The following SYNC variants were observed in gnomAD, a reference collection of about 807,000 sequenced individuals.
The protein encoded by SYNC is syncoilin.
In SYNC, 38 loss-of-function variants were observed where a neutral mutation model predicts 49.5. The ratio of observed to expected loss-of-function variants is 0.77; its 90% CI spans 0.59 to 1.01. SYNC has a LOEUF of 1.01. Ranked by LOEUF, SYNC falls within the 50% of genes least tolerant of loss-of-function variation. The probability of loss-of-function intolerance (pLI) is 0.00; values close to 1 mark genes in which losing one functional copy is unlikely to be tolerated. For missense variants in SYNC, 579 were observed against 580.6 expected (o/e 1.00, Z 0.03); for synonymous variants, 201 against 230.8 (o/e 0.87, Z 1.17).
In SYNC at chr1:32,702,340, G is replaced by A. The variant is rs1650699393; in HGVS notation, c.53+268C>T. 6.6e-6 allele frequency among the ~76,000 whole-genome samples: 1 copy of A among 152,212 alleles called. No homozygotes were observed. On this transcript the variant is annotated intron_variant, in intron 1 of 4. Coordinates refer to ENST00000409190, the MANE Select transcript of SYNC (RefSeq NM_030786.3). The surrounding 1 kb of genome is among the most constrained non-coding windows in gnomAD (Gnocchi z 6.2). ...ATGGGCCAAATGGCACTTGAGCGGT[G>A]GATGCCCACTCGCCTGGAAGGGTTA...
At chr1:32,693,085 G>GGTTT (rs796868946) in intron 2 of SYNC, among the ~76,000 whole-genome samples, 2 of 138,270 alleles carry the variant, frequency 1.4e-5, no homozygotes, top group Non-Finnish European at 1.6e-5. Context: ...TTGTTTGTTT[G>GGTTT]TTTTTGTTTG....
Position 32,695,677 on chromosome 1 carries a change from C to G in SYNC, c.421G>C (p.Glu141Gln), listed in dbSNP as rs778944457. Reference protein sequence around the residue: ...TSPEHVVYEGETVTRAEKSNP... With the variant: ...TSPEHVVYEGQTVTRAEKSNP... Reference sequence around the variant, plus strand: ...GATTTCTCCGCCCTTGTGACTGTCTCTCCCTCATAAACAACGTGCTCTGGG... The same window carrying G: ...GATTTCTCCGCCCTTGTGACTGTCTGTCCCTCATAAACAACGTGCTCTGGG... The change falls in exon 2 of 5, where the codon GAG (glutamate) becomes CAG (glutamine). Residue 141 changes from glutamate (E) to glutamine (Q), a missense_variant. By Grantham distance (29) the Glu-to-Gln change is conservative. Transcript: ENST00000409190. The G allele has an allele frequency of 6.2e-5, 96 of 1,551,486 alleles. No homozygotes were observed. The highest frequency in any genetic ancestry group is 1.7e-4 in the Middle Eastern group (1 of 6,016).
intron 2 of SYNC, among the ~76,000 whole-genome samples, chr1:32,687,794 T>C (rs1649936756): frequency 6.7e-6 from 1 of 150,308 alleles, no homozygotes; most frequent in Non-Finnish European, 1.5e-5. Context: ...TATGAGCTGT[T>C]CCCTCTGTCT....
chr1:32,684,161 CTTTTTG>C (rs1313862686), intron 3 of SYNC, 72 bp from the exon 4 acceptor site: 7 of 1,605,996 alleles, frequency 4.4e-6, no homozygotes, highest in African/African-American at 4.0e-5. Context: ...CCCAAATCCT[CTTTTTG>C]TTTTTGATTC....
At chr1:32,696,154 G>GACGAATGGCTGCTGA in intron 1 of SYNC, 110 bp from the exon 2 acceptor site, 1 of 853,604 alleles carries the variant, frequency 1.2e-6, no homozygotes, top group Non-Finnish European at 1.8e-6. Flanking sequence ...GATGTCAGCA[G>GACGAATGGCTGCTGA]CCATTCGTCT....
At chr1:32,702,872 G>A (rs1650725851), upstream of SYNC, 1 of 197,554 alleles carries the variant, frequency 5.1e-6, no homozygotes, top group Non-Finnish European at 9.6e-6. The surrounding 1 kb of genome is among the most constrained non-coding windows in gnomAD (Gnocchi z 6.2). Flanking sequence ...GCCCCTCCCG[G>A]ACCAGCCTGG....
rs1363739283 is a variant in SYNC at position 32,681,555 on chromosome 1, T to C, written c.*295A>G. Reference sequence around the variant, plus strand: ...ACATTCATCCTTCACTCAGTGCATATGTGAGGGTTGTTGCTGGAAGACAGG... The same window carrying C: ...ACATTCATCCTTCACTCAGTGCATACGTGAGGGTTGTTGCTGGAAGACAGG... On this transcript the variant is annotated 3_prime_UTR_variant, in exon 5 of 5. Transcript: ENST00000409190. The C allele has an allele frequency of 9.3e-6, 5 of 537,686 alleles. No homozygotes were observed. The highest frequency in any genetic ancestry group is 1.7e-5 in the Non-Finnish European group (5 of 301,034). 33.3% of individuals were successfully genotyped at this position (537,686 alleles called of 1,614,324 possible). A position where few individuals can be genotyped will look rare whatever the true frequency, so the allele number is the denominator to read the frequency against.
At chr1:32,696,183 A>G (rs573133582) in intron 1 of SYNC, 139 bp from the exon 2 acceptor site, 57 of 671,192 alleles carry the variant, frequency 8.5e-5, no homozygotes, top group African/African-American at 4.2e-4. Flanking sequence ...CACTCTGTCA[A>G]TCCACCCCTC....
intron 1 of SYNC, among the ~76,000 whole-genome samples, chr1:32,696,402 TC>T (rs1043703926): frequency 1.3e-5 from 2 of 151,646 alleles, no homozygotes; most frequent in African/African-American, 4.8e-5. Context: ...GCAACCTCTG[TC>T]CCCCAGTTCA....
chr1:32,683,577 G>T (rs1401188715), intron 4 of SYNC: 1 of 154,300 alleles, frequency 6.5e-6, no homozygotes, highest in East Asian at 1.9e-4. Context: ...GCGTTTTGGA[G>T]GTTTGGGTTA....
chr1:32,696,108 C>T (rs1650417059), intron 1 of SYNC, 64 bp from the exon 2 acceptor site: 2 of 1,386,310 alleles, frequency 1.4e-6, no homozygotes, highest in East Asian at 2.5e-5. Flanking sequence ...AATTCTGGAG[C>T]CAGCAGCCAT....
At chr1:32,697,438 CAA>C (rs113573501) in intron 1 of SYNC, among the ~76,000 whole-genome samples, 9 of 113,888 alleles carry the variant, frequency 7.9e-5, no homozygotes, top group Admixed American at 9.4e-5. Context: ...AACTCCGTCT[CAA>C]AAAAAAAAAA....
chr1:32,700,896 T>C (rs887790079), intron 1 of SYNC, among the ~76,000 whole-genome samples: 4 of 151,604 alleles, frequency 2.6e-5, no homozygotes, highest in Non-Finnish European at 5.9e-5. Context: ...ATAAAAAGCC[T>C]GGCATGCAGC....
At chr1:32,688,375 T>C (rs1303150126) in intron 2 of SYNC, among the ~76,000 whole-genome samples, 1 of 152,214 alleles carries the variant, frequency 6.6e-6, no homozygotes, top group Non-Finnish European at 1.5e-5. Flanking sequence ...CTAGCTATTG[T>C]TGATCTATGA....
At chr1:32,681,937 T>G in intron 4 of SYNC, 77 bp from the exon 5 acceptor site, 8 of 1,313,344 alleles carry the variant, frequency 6.1e-6, no homozygotes, top group South Asian at 6.0e-5. Flanking sequence ...GAGAAGAGAT[T>G]GTTACAGTGT....
chr1:32,695,100 G>A lies in SYNC; in HGVS notation c.998C>T (p.Ala333Val). 2 of 1,612,978 alleles carry A rather than the reference G, an allele frequency of 1.2e-6. No individual in the cohort carries two copies. Among genetic ancestry groups the A allele is most frequent in the East Asian group, 4.5e-5 (2 of 44,866 alleles). ...CTCCTCCAGGTCCTGGCGGCTCTCT[G>A]CCATGAGATTTTCAAACTGGGCAGA... ...RLSAQFENLM[A>V]ESRQDLEEEY... is the part of the protein sequence containing the mutation. Residue 333 changes from alanine (A) to valine (V), a missense_variant, in exon 2 of 5, where the codon GCA becomes GTA. Physicochemically the swap from Ala to Val is moderately conservative, Grantham distance 64. Transcript: ENST00000409190.
In SYNC at chr1:32,685,342, C is replaced by T. The variant is rs183625739; in HGVS notation, c.1234-960G>A. On this transcript the variant is annotated intron_variant, in intron 2 of 4. Coordinates refer to ENST00000409190, the MANE Select transcript of SYNC (RefSeq NM_030786.3). ...AGGAATAAGGTAAGGAAGATGTCAGCAAGTCAGTCTCTGGTTTACCTGCTA... is the reference window on the plus strand; with the variant it reads ...AGGAATAAGGTAAGGAAGATGTCAGTAAGTCAGTCTCTGGTTTACCTGCTA... 1.8e-4 allele frequency: 27 copies of T among 152,250 alleles called. 1 individual carries two copies. Among genetic ancestry groups the T allele is most frequent in the Admixed American group, 1.4e-3 (21 of 15,280 alleles). The allele number at this position is 152,250 out of a possible 1,614,324, so 9.4% of individuals were successfully genotyped here. A position where few individuals can be genotyped will look rare whatever the true frequency, so the allele number is the denominator to read the frequency against.
chr1:32,694,682 A>G (rs920915945), intron 2 of SYNC, among the ~76,000 whole-genome samples, 183 bp downstream of exon 2: 5 of 151,922 alleles, frequency 3.3e-5, no homozygotes, highest in Non-Finnish European at 7.4e-5. Context: ...AACAGTGCAG[A>G]TAACTTCTAG....
At position 32,680,216 on chromosome 1, in the gene SYNC, T is replaced by C; in HGVS notation, c.*1634A>G. ...TTTTCATACGTAGACCAGTTTCCTCTTGGTTTCTTCAGTTAAGTCAAAACA... is the reference window on the plus strand; with the variant it reads ...TTTTCATACGTAGACCAGTTTCCTCCTGGTTTCTTCAGTTAAGTCAAAACA... On this transcript the variant is annotated 3_prime_UTR_variant, in exon 5 of 5. Transcript: ENST00000409190. The C allele has an allele frequency of 8.8e-7, 1 of 1,133,910 alleles. No homozygotes were observed. The highest frequency in any genetic ancestry group is 5.1e-5 in the East Asian group (1 of 19,558). 70.2% of individuals were successfully genotyped at this position (1,133,910 alleles called of 1,614,324 possible).
Sources: allele counts gnomAD v4.1 joint callset (sites outside exome capture counted in the v4.1 genomes callset), GRCh38; gene constraint gnomAD v4.1.1; non-coding constraint Gnocchi (gnomAD v3.1); transcripts MANE v1.5; gene names NCBI Gene and HGNC (gene_info 2026-07-23, HGNC 2026-07-21).